The following SMYD3 variants were observed in gnomAD, a reference collection of about 807,000 sequenced individuals.
SMYD3 encodes histone-lysine N-methyltransferase SMYD3.
Under a neutral mutation model 57.7 loss-of-function variants are expected in SMYD3, and 36 were observed. The ratio of observed to expected loss-of-function variants is 0.62; its 90% CI spans 0.48 to 0.82. The LOEUF (loss-of-function observed/expected upper bound fraction) is 0.82, where lower values mean the gene tolerates loss of function less well. SMYD3 is among the 40% of genes least tolerant of loss of function. The pLI is 0.00. For missense variants in SMYD3, 515 were observed against 538.8 expected (o/e 0.96, Z 0.44); for synonymous variants, 211 against 195.0 (o/e 1.08, Z -0.68).
chr1:246,406,916 T>C (rs1572470415), intron 1 of SMYD3, among the ~76,000 whole-genome samples: 1 of 152,192 alleles, frequency 6.6e-6, no homozygotes, highest in African/African-American at 2.4e-5. Context: ...TTTATTTAAT[T>C]AGATTGGCAG....
rs139032215 is a variant in SMYD3 at position 245,786,626 on chromosome 1, A to G, written c.1077-22477T>C. 4.5e-3 allele frequency among the ~76,000 whole-genome samples: 684 copies of G among 152,120 alleles called. 4 individuals carry two copies. The highest frequency in any genetic ancestry group is 0.016 in the African/African-American group (654 of 41,490). On this transcript the variant is annotated intron_variant, in intron 10 of 11. Transcript: ENST00000490107. ...AAGAACCCTAACACACTCTGAGACCACTGAGTACAAACAAGCTGGCAGCCC... is the reference window on the plus strand; with the variant it reads ...AAGAACCCTAACACACTCTGAGACCGCTGAGTACAAACAAGCTGGCAGCCC...
intron 5 of SMYD3, among the ~76,000 whole-genome samples, chr1:246,301,265 A>G (rs2085517161): frequency 6.6e-6 from 1 of 152,178 alleles, no homozygotes; most frequent in African/African-American, 2.4e-5. Context: ...ACCATTCGAC[A>G]GATTCAAATC....
At chr1:246,382,065 C>T (rs1052568428) in intron 1 of SMYD3, among the ~76,000 whole-genome samples, 6 of 150,818 alleles carry the variant, frequency 4.0e-5, no homozygotes, top group African/African-American at 9.8e-5. Context: ...CCAGGCCAAC[C>T]GTGGGCTCCA....
At chr1:246,252,978 T>C (rs1457480993) in intron 5 of SMYD3, among the ~76,000 whole-genome samples, 1 of 152,240 alleles carries the variant, frequency 6.6e-6, no homozygotes, top group Non-Finnish European at 1.5e-5. Context: ...TACCATGTGA[T>C]GGCAATACTC....
intron 5 of SMYD3, among the ~76,000 whole-genome samples, chr1:245,999,497 G>C (rs2058997119): frequency 6.6e-6 from 1 of 151,990 alleles, no homozygotes; most frequent in Admixed American, 6.6e-5. Context: ...GCAAGACATG[G>C]CAAAACCTAG....
chr1:245,841,929 G>A (rs1227903427), intron 10 of SMYD3, among the ~76,000 whole-genome samples: 1 of 152,108 alleles, frequency 6.6e-6, no homozygotes, highest in Admixed American at 6.5e-5. Flanking sequence ...GCTGCCCTAT[G>A]CACCTATATA....
chr1:245,865,541 C>T (rs9725231), intron 8 of SMYD3, among the ~76,000 whole-genome samples: 1 of 151,908 alleles, frequency 6.6e-6, no homozygotes, highest in Non-Finnish European at 1.5e-5. Flanking sequence ...CAAAATTTCA[C>T]CCCAGGTCTG....
At chr1:246,174,268 C>T (rs1427871727) in intron 5 of SMYD3, among the ~76,000 whole-genome samples, 2 of 152,094 alleles carry the variant, frequency 1.3e-5, no homozygotes, top group African/African-American at 4.8e-5. Context: ...CTGGCAGTAC[C>T]GTAGGGTTTT....
intron 2 of SMYD3, among the ~76,000 whole-genome samples, chr1:246,338,474 T>C (rs2065579430): frequency 6.6e-6 from 1 of 152,228 alleles, no homozygotes; most frequent in Admixed American, 6.5e-5. Context: ...CCTATTTTCT[T>C]ACATTACTTC....
intron 5 of SMYD3, among the ~76,000 whole-genome samples, chr1:246,248,735 G>A (rs940711053): frequency 8.2e-5 from 12 of 145,666 alleles, no homozygotes; most frequent in Admixed American, 7.9e-4. Flanking sequence ...TCTGTCTCCC[G>A]GGTTCACGCC....
At chr1:246,279,250 G>C (rs2064395642) in intron 5 of SMYD3, among the ~76,000 whole-genome samples, 1 of 152,222 alleles carries the variant, frequency 6.6e-6, no homozygotes, top group Admixed American at 6.5e-5. Flanking sequence ...GCCGGGCGCG[G>C]TGGCTCACAC....
intron 5 of SMYD3, among the ~76,000 whole-genome samples, chr1:246,122,663 C>T (rs1245455216): frequency 6.6e-6 from 1 of 152,184 alleles, no homozygotes; most frequent in East Asian, 1.9e-4. Context: ...CTAAAGGACA[C>T]GTTTCATTTA....
intron 5 of SMYD3, among the ~76,000 whole-genome samples, chr1:246,299,730 T>C (rs770498669): frequency 6.6e-6 from 1 of 151,922 alleles, no homozygotes; most frequent in African/African-American, 2.4e-5. Flanking sequence ...TAAACTAACA[T>C]AGAATAGAAA....
intron 5 of SMYD3, among the ~76,000 whole-genome samples, chr1:246,193,438 T>C (rs980087771): frequency 2.0e-5 from 3 of 152,228 alleles, no homozygotes; most frequent in Non-Finnish European, 4.4e-5. Context: ...TTTATTTGTA[T>C]GATCTTTTAC....
At chr1:245,805,572 T>G (rs1444210867) in intron 10 of SMYD3, among the ~76,000 whole-genome samples, 2 of 152,238 alleles carry the variant, frequency 1.3e-5, no homozygotes, top group Non-Finnish European at 2.9e-5. Flanking sequence ...TTACCTGTTT[T>G]GGGGAAATAA....
intron 5 of SMYD3, among the ~76,000 whole-genome samples, chr1:246,078,458 G>A (rs1370090572): frequency 3.3e-5 from 5 of 152,148 alleles, no homozygotes; most frequent in Admixed American, 6.5e-5. Flanking sequence ...TGAAATGACC[G>A]GCCTTCTTGT....
chr1:245,917,351 C>G (rs1329462529), intron 7 of SMYD3, among the ~76,000 whole-genome samples: 2 of 152,168 alleles, frequency 1.3e-5, no homozygotes, highest in Admixed American at 1.3e-4. Context: ...AATTTATTTT[C>G]ACTAGATTTT....
chr1:246,354,516 C>A (rs1245077598), intron 2 of SMYD3, among the ~76,000 whole-genome samples: 2 of 151,682 alleles, frequency 1.3e-5, no homozygotes, highest in African/African-American at 4.8e-5. Flanking sequence ...AAGTGCCAAG[C>A]ATTCATTAAC....
At chr1:246,070,808 G>A (rs1449424095) in intron 5 of SMYD3, among the ~76,000 whole-genome samples, 1 of 152,208 alleles carries the variant, frequency 6.6e-6, no homozygotes, top group Non-Finnish European at 1.5e-5. Flanking sequence ...AGCAGAACAA[G>A]CCACTGCCTT....
Sources: gnomAD v4.1 joint callset for allele counts (sites outside exome capture counted in the v4.1 genomes callset) on GRCh38, gnomAD v4.1.1 for gene constraint, MANE v1.5 for transcripts, NCBI Gene and HGNC (gene_info 2026-07-23, HGNC 2026-07-21) for gene names.